MCAT: variants seen among roughly 807,000 people sequenced by gnomAD.
MCAT encodes the protein malonyl-CoA-acyl carrier protein transacylase, mitochondrial.
A neutral mutation model predicts 22.9 loss-of-function variants in MCAT; 22 were observed. The observed-to-expected ratio is 0.96, with a 90% CI of 0.69 to 1.37. The LOEUF (loss-of-function observed/expected upper bound fraction) is 1.37, where lower values mean the gene tolerates loss of function less well. Among genes scored for constraint, MCAT ranks in the 40% most tolerant of loss-of-function variants. The probability of loss-of-function intolerance (pLI) is 0.00; values close to 1 mark genes in which losing one functional copy is unlikely to be tolerated. For synonymous variants in MCAT, 240 were observed against 233.9 expected (o/e 1.03, Z -0.24); for missense variants, 534 against 533.6 (o/e 1.00, Z -0.01).
At chr22:43,140,865 C>T in intron 2 of MCAT, 1 of 341,870 alleles carries the variant, frequency 2.9e-6, no homozygotes, top group East Asian at 4.8e-5. Context: ...CAACGAATAT[C>T]TACTGAACAC....
In MCAT at chr22:43,143,111, C is replaced by A; in HGVS notation, c.238G>T (p.Gly80Cys). Reference protein sequence around the residue: ...QGSQVVGMGRGLLNYPRVREL... With the variant: ...QGSQVVGMGRCLLNYPRVREL... ...CGGACGCGCGGGTAGTTGAGCAGAC[C>A]GCGGCCCATGCCCACCACCTGGCTG... Residue 80 changes from glycine to cysteine, a missense_variant, in exon 1 of 4, where the codon GGT becomes TGT. Gly to Cys is a radical substitution (Grantham distance 159, BLOSUM62 -3). Transcript: ENST00000290429. 2 of 1,603,024 alleles carry A rather than the reference C, an allele frequency of 1.2e-6. No homozygotes were observed. The highest frequency in any genetic ancestry group is 1.1e-5 in the South Asian group (1 of 90,532).
intron 2 of MCAT, among the ~76,000 whole-genome samples, chr22:43,138,217 GC>G (rs765288014): frequency 4.9e-4 from 74 of 152,190 alleles, no homozygotes; most frequent in Non-Finnish European, 2.6e-4. Flanking sequence ...TGGTGACAGA[GC>G]AAGACCCTGT....
At chr22:43,140,752 A>G (rs1345742873) in intron 2 of MCAT, 1 of 168,444 alleles carries the variant, frequency 5.9e-6, no homozygotes, top group African/African-American at 2.4e-5. Flanking sequence ...TGGCCTCCCA[A>G]AGCACTGGGA....
At position 43,143,079 on chromosome 22, in the gene MCAT, G is replaced by A. The variant is rs1405566051; in HGVS notation, c.270C>T (p.Leu90=). The change falls in exon 1 of 4, where the codon CTC becomes CTT. Residue 90 remains leucine, a synonymous_variant. Coordinates refer to ENST00000290429, the MANE Select transcript of MCAT (RefSeq NM_173467.5). ...CCAGCACGCGGCGGGCGGCGGCGTA[G>A]AGTTCGCGGACGCGCGGGTAGTTGA... is the stretch of plus-strand genomic sequence containing the variant. ...GLLNYPRVRE[L]YAAARRVLGY... 3 of 1,608,124 alleles carry A rather than the reference G, an allele frequency of 1.9e-6. No individual in the cohort carries two copies. Among genetic ancestry groups the A allele is most frequent in the East Asian group, 2.2e-5 (1 of 44,804 alleles).
chr22:43,136,884 C>T (rs973204696), intron 3 of MCAT, among the ~76,000 whole-genome samples, 197 bp downstream of exon 3: 19 of 152,192 alleles, frequency 1.2e-4, no homozygotes, highest in African/African-American at 3.6e-4. Context: ...CCATTCTACA[C>T]GTGGTGGAGC....
chr22:43,143,143 C>A lies in MCAT; in HGVS notation c.206G>T (p.Gly69Val). 1 of 1,592,710 alleles carries A rather than the reference C, an allele frequency of 6.3e-7. No individual in the cohort carries two copies. The highest frequency in any genetic ancestry group is 2.3e-5 in the East Asian group (1 of 44,388). ...PGQCSVLLFP[G>V]QGSQVVGMGR... ...CATGCCCACCACCTGGCTGCCCTGGCCCGGGAAGAGCAGCACGGAGCACTG... is the reference window on the plus strand; with the variant it reads ...CATGCCCACCACCTGGCTGCCCTGGACCGGGAAGAGCAGCACGGAGCACTG... Residue 69 changes from glycine (G) to valine (V), a missense_variant, in exon 1 of 4, where the codon GGC becomes GTC. Gly to Val is a moderately radical substitution (Grantham distance 109). Transcript: ENST00000290429.
intron 2 of MCAT, among the ~76,000 whole-genome samples, chr22:43,139,769 G>C (rs1049302356): frequency 6.6e-6 from 1 of 151,914 alleles, no homozygotes; most frequent in Admixed American, 6.6e-5. Context: ...GTAGAGATGG[G>C]GTTTTACCAC....
intron 3 of MCAT, among the ~76,000 whole-genome samples, chr22:43,136,019 G>A (rs1159481023): frequency 6.6e-6 from 1 of 152,176 alleles, no homozygotes; most frequent in Non-Finnish European, 1.5e-5. Flanking sequence ...GAGGTGGGGG[G>A]ATCCCTTGAG....
At chr22:43,142,782 A>AAC (rs1231892598) in intron 1 of MCAT, 144 bp downstream of exon 1, 2 of 945,042 alleles carry the variant, frequency 2.1e-6, no homozygotes, top group South Asian at 2.1e-5. Context: ...CTCAAAAAAA[A>AAC]AAACAAAAAC....
chr22:43,140,885 T>G (rs534904513), intron 2 of MCAT: 1 of 417,612 alleles, frequency 2.4e-6, no homozygotes, highest in Admixed American at 3.6e-5. Context: ...CATACTCTCG[T>G]GTTGCAGGTG....
chr22:43,140,116 T>C (rs1285727505), intron 2 of MCAT, among the ~76,000 whole-genome samples: 2 of 152,318 alleles, frequency 1.3e-5, no homozygotes, highest in African/African-American at 4.8e-5. Flanking sequence ...CCATGTCCAC[T>C]ATGTAGGCAC....
rs1289813456 is a variant in MCAT, at chr22:43,141,164, T to G, written c.509A>C (p.Glu170Ala). The change falls in exon 2 of 4, where the codon GAA (glutamate) becomes GCA (alanine). Residue 170 changes from glutamate to alanine, a missense_variant and splice_region_variant. Transcript: ENST00000290429. ...TAAAACCAAACTCCTTCCTGTACCT[T>G]CAGCAAATTCCATGGCTCCGGCAAA... ...LVFAGAMEFA[E>A]GLYAVKIRAE... 1 of 1,613,862 alleles carries G rather than the reference T, an allele frequency of 6.2e-7. No individual in the cohort carries two copies. The highest frequency in any genetic ancestry group is 8.5e-7 in the Non-Finnish European group (1 of 1,179,974).
At chr22:43,142,550 G>A (rs914604863) in intron 1 of MCAT, among the ~76,000 whole-genome samples, 2 of 152,048 alleles carry the variant, frequency 1.3e-5, no homozygotes, top group Admixed American at 1.3e-4. Flanking sequence ...ACTTTGGGAG[G>A]CCGAGGCGGG....
In MCAT at chr22:43,142,980, C is replaced by G; in HGVS notation, c.369G>C (p.Ala123=). Residue 123 remains alanine, a synonymous_variant, in exon 1 of 4, where the codon GCG becomes GCC. Transcript: ENST00000290429. The stretch of plus-strand genomic sequence containing the variant: ...CAGCGGCCAGCGATGCCACGAAGAT[C>G]GCGGGCTGACAGTGCACGGTGCGGT... ...TLDRTVHCQP[A]IFVASLAAVE... 3 of 1,598,130 alleles carry G rather than the reference C, an allele frequency of 1.9e-6. No homozygotes were observed. The highest frequency in any genetic ancestry group is 2.6e-6 in the Non-Finnish European group (3 of 1,172,180).
At position 43,137,444 on chromosome 22, in the gene MCAT, C is replaced by G. The variant is rs1930649363; in HGVS notation, c.512-146G>C. 4.6e-6 allele frequency: 3 copies of G among 645,592 alleles called. No individual in the cohort carries two copies. The South Asian group carries it at 5.7e-5, about 12-fold the overall frequency. The allele number at this position is 645,592 out of a possible 1,614,324, so 40.0% of individuals were successfully genotyped here. A position where few individuals can be genotyped will look rare whatever the true frequency, so the allele number is the denominator to read the frequency against. ...ACCAGCCAGCAGGGCCACAGTTCCA[C>G]ACACCTCCATCGACTGCACAAGCGC... On this transcript the variant is annotated intron_variant, in intron 2 of 3. Transcript: ENST00000290429.
intron 2 of MCAT, among the ~76,000 whole-genome samples, chr22:43,138,528 G>A (rs560096808): frequency 3.0e-4 from 45 of 152,314 alleles, no homozygotes; most frequent in Admixed American, 1.7e-3. Context: ...CTTGAGCTCA[G>A]GAGTTCGAGA....
intron 3 of MCAT, among the ~76,000 whole-genome samples, chr22:43,135,573 C>T (rs751766237): frequency 6.6e-6 from 1 of 151,380 alleles, no homozygotes; most frequent in African/African-American, 2.4e-5. Flanking sequence ...ACTGGGTGCA[C>T]CTGTCTGGGA....
chr22:43,133,453 A>G lies in MCAT; in HGVS notation c.763T>C (p.Phe255Leu), dbSNP rs1317963400. 6.2e-7 allele frequency: 1 copy of G among 1,613,266 alleles called. No homozygotes were observed. The highest frequency in any genetic ancestry group is 1.7e-5 in the Admixed American group (1 of 59,728). ...AACATCCTGGTGCGTCTGAAATGAA[A>G]CTTAGAGGAATTCTTCTGGAGAAAC... ...LRFLQKNSSK[F>L]HFRRTRMLPV... Residue 255 changes from phenylalanine to leucine, a missense_variant, in exon 4 of 4, where the codon TTT becomes CTT. Coordinates refer to ENST00000290429, the MANE Select transcript of MCAT (RefSeq NM_173467.5).
Position 43,132,950 on chromosome 22 carries a change from G to T in MCAT, c.*93C>A. On this transcript the variant is annotated 3_prime_UTR_variant, in exon 4 of 4. Coordinates refer to ENST00000290429, the MANE Select transcript of MCAT (RefSeq NM_173467.5). ...AACAAATCCCTTTCACTCCTCAGAG[G>T]AGGAGCCATTAGGAAGGTAGGGGGC... 1 of 1,188,046 alleles carries T rather than the reference G, an allele frequency of 8.4e-7. No individual in the cohort carries two copies. The highest frequency in any genetic ancestry group is 1.2e-6 in the Non-Finnish European group (1 of 831,642). 73.6% of individuals were successfully genotyped at this position (1,188,046 alleles called of 1,614,324 possible). A position where few individuals can be genotyped will look rare whatever the true frequency, so the allele number is the denominator to read the frequency against.
Sources: allele counts gnomAD v4.1 joint callset (sites outside exome capture counted in the v4.1 genomes callset), GRCh38; gene constraint gnomAD v4.1.1; transcripts MANE v1.5; gene names NCBI Gene and HGNC (gene_info 2026-07-23, HGNC 2026-07-21).